The following PIGL variants were observed in gnomAD, a reference collection of about 807,000 sequenced individuals.
PIGL encodes phosphatidylinositol glycan anchor biosynthesis class L, also known as N-acetylglucosaminyl-phosphatidylinositol de-N-acetylase.
PIGL carries 22 observed loss-of-function variants against 31.1 expected under a neutral mutation model. That is an observed-to-expected ratio of 0.71 (90% CI 0.51 to 1.01). The LOEUF (loss-of-function observed/expected upper bound fraction) is 1.01, where lower values mean the gene tolerates loss of function less well. Ranked by LOEUF, PIGL falls within the 50% of genes least tolerant of loss-of-function variation. The pLI is 0.00. For missense variants in PIGL, 302 were observed against 315.9 expected (o/e 0.96, Z 0.33); for synonymous variants, 131 against 117.4 (o/e 1.12, Z -0.75).
At chr17:16,267,995 G>A (rs1446669340) in intron 2 of PIGL, among the ~76,000 whole-genome samples, 1 of 152,178 alleles carries the variant, frequency 6.6e-6, no homozygotes, top group Non-Finnish European at 1.5e-5. Context: ...CGTCCCTCAA[G>A]GAGCTCCCAG....
At chr17:16,224,711 C>G (rs1341272984) in intron 1 of PIGL, among the ~76,000 whole-genome samples, 1 of 152,104 alleles carries the variant, frequency 6.6e-6, no homozygotes, top group Non-Finnish European at 1.5e-5. Context: ...GGCTGGAGTG[C>G]AGTGGCGCAG....
rs965714809 is a variant in PIGL, at chr17:16,306,044, G to A, written c.426+6066G>A. 2.0e-5 allele frequency among the ~76,000 whole-genome samples: 3 copies of A among 152,158 alleles called. No individual in the cohort carries two copies. In the South Asian group the frequency reaches 6.2e-4, roughly 32 times the overall value. On this transcript the variant is annotated intron_variant, in intron 3 of 6. Transcript: ENST00000225609. ...GCTGACTTCAACCTCCGCCTCCCGG[G>A]TTCAAGCAAATCTCCTGCCTCAGCC...
chr17:16,310,277 T>C (rs2142855871), intron 3 of PIGL, among the ~76,000 whole-genome samples: 1 of 135,264 alleles, frequency 7.4e-6, no homozygotes, highest in Non-Finnish European at 1.5e-5. Context: ...GTCTTCTGAA[T>C]TATTAAAAAG....
intron 2 of PIGL, among the ~76,000 whole-genome samples, chr17:16,245,687 G>A (rs1364624180): frequency 6.6e-6 from 1 of 150,944 alleles, no homozygotes; most frequent in Non-Finnish European, 1.5e-5. Context: ...ACAGGTGTGA[G>A]CCACTATGCC....
At position 16,285,540 on chromosome 17, in the gene PIGL, G is replaced by C. The variant is rs556528437; in HGVS notation, c.336-14348G>C. 1.9e-4 allele frequency among the ~76,000 whole-genome samples: 29 copies of C among 152,020 alleles called. 1 individual carries two copies. In the South Asian group the frequency reaches 5.8e-3, roughly 31 times the overall value. On this transcript the variant is annotated intron_variant, in intron 2 of 6. Transcript: ENST00000225609. ...GCAGAGGTTGCGCCACTGCTCTCCA[G>C]CCTGGGCGACAGAGTGAGGCTCTGT...
intron 3 of PIGL, among the ~76,000 whole-genome samples, chr17:16,305,244 G>A (rs113724529): frequency 5.5e-4 from 83 of 152,138 alleles, no homozygotes; most frequent in African/African-American, 1.9e-3. Flanking sequence ...ATCACGTCAC[G>A]TCACTGCACT....
chr17:16,234,585 T>TAAAACCCCGC (rs2092692085), intron 2 of PIGL, among the ~76,000 whole-genome samples: 1 of 152,144 alleles, frequency 6.6e-6, no homozygotes, highest in Non-Finnish European at 1.5e-5. Flanking sequence ...CCAAACATGG[T>TAAAACCCCGC]AAAACCCCGC....
intron 3 of PIGL, among the ~76,000 whole-genome samples, chr17:16,303,147 ACC>A (rs1199953742): frequency 3.9e-5 from 6 of 152,028 alleles, no homozygotes; most frequent in Non-Finnish European, 8.8e-5. Flanking sequence ...TGGTCCAGGC[ACC>A]CCTCCAGACC....
At chr17:16,270,084 C>T (rs1045920286) in intron 2 of PIGL, among the ~76,000 whole-genome samples, 15 of 151,716 alleles carry the variant, frequency 9.9e-5, no homozygotes, top group African/African-American at 3.4e-4. Flanking sequence ...GTCAGGAGTT[C>T]GAGACCAGCC....
At chr17:16,319,947 C>G (rs552719869) in intron 6 of PIGL, among the ~76,000 whole-genome samples, 1 of 151,608 alleles carries the variant, frequency 6.6e-6, no homozygotes, top group African/African-American at 2.4e-5. Context: ...AGGTGCATCC[C>G]CCTGTAGACT....
At chr17:16,217,607 TAGG>T in intron 1 of PIGL, 146 bp downstream of exon 1, 4 of 655,278 alleles carry the variant, frequency 6.1e-6, no homozygotes, top group Admixed American at 2.9e-5. Flanking sequence ...CCTCACAGCC[TAGG>T]GACAGGAGCG....
chr17:16,295,265 A>G (rs764566065), intron 2 of PIGL, among the ~76,000 whole-genome samples: 1 of 151,842 alleles, frequency 6.6e-6, no homozygotes. Flanking sequence ...CTAGCCAGGC[A>G]TGGTGGCGCA....
intron 2 of PIGL, among the ~76,000 whole-genome samples, chr17:16,235,807 G>C (rs1010490093): frequency 2.1e-5 from 3 of 145,184 alleles, no homozygotes; most frequent in African/African-American, 7.6e-5. Flanking sequence ...TAACTTTTTG[G>C]GGGGCAAGAA....
chr17:16,281,030 AT>A (rs2092914715), intron 2 of PIGL, among the ~76,000 whole-genome samples: 5 of 152,124 alleles, frequency 3.3e-5, no homozygotes, highest in Admixed American at 2.6e-4. Context: ...AGGAAAAAAA[AT>A]CTCACTTACT....
chr17:16,281,941 C>A, intron 2 of PIGL: 1 of 431,922 alleles, frequency 2.3e-6, no homozygotes, highest in Non-Finnish European at 5.1e-6. Flanking sequence ...CTGTAAGACC[C>A]ATCCTCAGAC....
intron 2 of PIGL, among the ~76,000 whole-genome samples, chr17:16,281,106 C>A (rs766501602): frequency 1.3e-5 from 2 of 152,098 alleles, no homozygotes; most frequent in Non-Finnish European, 2.9e-5. Flanking sequence ...AACATACATT[C>A]ATTTGAAGTT....
At chr17:16,323,377 G>A (rs148268929) in intron 6 of PIGL, among the ~76,000 whole-genome samples, 453 of 151,296 alleles carry the variant, frequency 3.0e-3, no homozygotes, top group Non-Finnish European at 3.6e-3. Context: ...GGGATTACAG[G>A]CAGGTGCCAC....
chr17:16,244,389 A>C (rs2092735564), intron 2 of PIGL, among the ~76,000 whole-genome samples: 1 of 152,228 alleles, frequency 6.6e-6, no homozygotes, highest in African/African-American at 2.4e-5. Context: ...CAGTTAAGTT[A>C]GATCTCTTTC....
At chr17:16,281,517 C>A (rs2092916620) in intron 2 of PIGL, among the ~76,000 whole-genome samples, 1 of 152,214 alleles carries the variant, frequency 6.6e-6, no homozygotes, top group Non-Finnish European at 1.5e-5. Flanking sequence ...TTCTGGCCAG[C>A]ACTGCAAGTG....
Sources: allele counts gnomAD v4.1 joint callset (sites outside exome capture counted in the v4.1 genomes callset), GRCh38; gene constraint gnomAD v4.1.1; transcripts MANE v1.5; gene names NCBI Gene and HGNC (gene_info 2026-07-23, HGNC 2026-07-21).